The following GMDS variants were observed in gnomAD, a reference collection of about 807,000 sequenced individuals.
The protein encoded by GMDS is GDP-mannose 4,6 dehydratase.
Under a neutral mutation model 49.9 loss-of-function variants are expected in GMDS, and 20 were observed. The observed-to-expected ratio is 0.40, with a 90% confidence interval of 0.28 to 0.58. GMDS has a LOEUF of 0.58. GMDS is among the 20% of genes least tolerant of loss of function. The pLI, the probability that GMDS is intolerant of heterozygous loss-of-function variation, is 0.42. For missense variants in GMDS, 362 were observed against 481.4 expected, an observed-to-expected ratio of 0.75 and a Z score of 2.32; for synonymous variants, 177 against 178.6, an observed-to-expected ratio of 0.99 and a Z score of 0.07.
rs548688102 is a variant in GMDS, at chr6:1,724,512, T to C, written c.987+1904A>G. On this transcript the variant is annotated intron_variant, in intron 9 of 10. Coordinates refer to ENST00000380815, the MANE Select transcript of GMDS (RefSeq NM_001500.4). Reference sequence around the variant, plus strand: ...AAGCCATTCTTAATGACTTCCTAGCTTTTGAAACTATTTTGGTGTCAGAGA... The same window carrying C: ...AAGCCATTCTTAATGACTTCCTAGCCTTTGAAACTATTTTGGTGTCAGAGA... Among the ~76,000 whole-genome samples, 36 of 152,180 alleles carry C rather than the reference T, an allele frequency of 2.4e-4. 1 individual carries two copies. The highest frequency in any genetic ancestry group is 1.2e-3 in the Admixed American group (18 of 15,276).
At chr6:1,796,064 C>T (rs1427144162) in intron 7 of GMDS, among the ~76,000 whole-genome samples, 2 of 152,090 alleles carry the variant, frequency 1.3e-5, no homozygotes, top group African/African-American at 4.8e-5. Context: ...GTTCTTCTCC[C>T]CATGTAAGCA....
At chr6:1,982,026 C>T (rs183534811) in intron 4 of GMDS, among the ~76,000 whole-genome samples, 1 of 152,160 alleles carries the variant, frequency 6.6e-6, no homozygotes, top group East Asian at 1.9e-4. Context: ...ATACTTTGGC[C>T]AGGTGCGGTG....
intron 9 of GMDS, among the ~76,000 whole-genome samples, chr6:1,702,377 C>A (rs1216047549): frequency 6.6e-6 from 1 of 152,224 alleles, no homozygotes; most frequent in Non-Finnish European, 1.5e-5. Context: ...GTTCTCTCAC[C>A]CAGAGTCTTG....
chr6:2,208,158 C>G (rs1415028142), intron 1 of GMDS, among the ~76,000 whole-genome samples: 1 of 152,156 alleles, frequency 6.6e-6, no homozygotes, highest in Non-Finnish European at 1.5e-5. Flanking sequence ...TCAAGAACTG[C>G]TGATTACGGG....
intron 7 of GMDS, among the ~76,000 whole-genome samples, chr6:1,761,963 G>A (rs1399174012): frequency 1.3e-5 from 2 of 152,092 alleles, no homozygotes; most frequent in African/African-American, 4.8e-5. Flanking sequence ...TTGCAAGGAG[G>A]AATACAAAAA....
chr6:2,037,574 AC>A (rs1319051378), intron 4 of GMDS, among the ~76,000 whole-genome samples: 1 of 152,232 alleles, frequency 6.6e-6, no homozygotes, highest in East Asian at 1.9e-4. Flanking sequence ...TGTGCCCAGA[AC>A]AAGAAACCAA....
At chr6:2,024,140 A>G (rs1459070535) in intron 4 of GMDS, among the ~76,000 whole-genome samples, 1 of 152,216 alleles carries the variant, frequency 6.6e-6, no homozygotes, top group Admixed American at 6.5e-5. Context: ...ATAGTAAGAG[A>G]TAATAGGATA....
At chr6:2,060,690 G>A (rs1234899015) in intron 4 of GMDS, among the ~76,000 whole-genome samples, 1 of 152,222 alleles carries the variant, frequency 6.6e-6, no homozygotes, top group Non-Finnish European at 1.5e-5. Context: ...TGAGCAGACT[G>A]CATGTCAAAC....
At chr6:2,116,041 T>C (rs1774829375) in intron 3 of GMDS, among the ~76,000 whole-genome samples, 161 bp from the exon 4 acceptor site, 1 of 152,230 alleles carries the variant, frequency 6.6e-6, no homozygotes, top group African/African-American at 2.4e-5. Context: ...AACTGTCACC[T>C]TTACCTAAAT....
chr6:1,714,239 C>T (rs6899542), intron 9 of GMDS, among the ~76,000 whole-genome samples: 2,421 of 152,174 alleles, frequency 0.016, 62 homozygotes, highest in African/African-American at 0.056. Context: ...AGGATGGTCT[C>T]GATCTCCTGA....
At chr6:2,156,696 C>T (rs1777130882) in intron 1 of GMDS, among the ~76,000 whole-genome samples, 1 of 151,706 alleles carries the variant, frequency 6.6e-6, no homozygotes, top group South Asian at 2.1e-4. Flanking sequence ...GATTATGATT[C>T]AAAACATCAC....
rs76744172 is a variant in GMDS at position 1,678,193 on chromosome 6, A to G, written c.987+48223T>C. 7.6e-3 allele frequency among the ~76,000 whole-genome samples: 1,163 copies of G among 152,254 alleles called. 29 individuals carry two copies. The highest frequency in any genetic ancestry group is 4.0e-3 in the Non-Finnish European group (271 of 68,014). ...TAGGTTCTCAAGGCGAAGATCAGGA[A>G]AAAATCCCCTGTGCTTCTGGCAGGA... On this transcript the variant is annotated intron_variant, in intron 9 of 10. Transcript: ENST00000380815.
At chr6:1,694,273 C>T (rs1039168502) in intron 9 of GMDS, among the ~76,000 whole-genome samples, 1 of 151,992 alleles carries the variant, frequency 6.6e-6, no homozygotes, top group Non-Finnish European at 1.5e-5. Context: ...TTTTAGATGC[C>T]GTTAATTTTA....
chr6:2,192,104 C>T (rs1374636845), intron 1 of GMDS, among the ~76,000 whole-genome samples: 1 of 152,166 alleles, frequency 6.6e-6, no homozygotes, highest in Non-Finnish European at 1.5e-5. Flanking sequence ...GACAATGGGA[C>T]AAGCTGCCTA....
intron 4 of GMDS, among the ~76,000 whole-genome samples, chr6:2,092,502 A>G (rs1271721261): frequency 6.6e-6 from 1 of 152,200 alleles, no homozygotes; most frequent in Admixed American, 6.5e-5. Context: ...GACTATTGTA[A>G]TTATATTCTT....
rs148686384 is a variant in GMDS, at chr6:1,661,866, G to T, written c.988-37326C>A. ...GACAGTCGGATGTCATTGTTAAGGG[G>T]CGGGTGGGTGCCTGAGGGGGCAGAA... On this transcript the variant is annotated intron_variant, in intron 9 of 10. Coordinates refer to ENST00000380815, the MANE Select transcript of GMDS (RefSeq NM_001500.4). Among the ~76,000 whole-genome samples the T allele has an allele frequency of 2.6e-4, 40 of 152,312 alleles. No homozygotes were observed. In the East Asian group the frequency reaches 5.4e-3, roughly 21 times the overall value.
chr6:1,691,559 C>G (rs1445365618), intron 9 of GMDS, among the ~76,000 whole-genome samples: 8 of 152,250 alleles, frequency 5.3e-5, no homozygotes, highest in Middle Eastern at 6.8e-3. Context: ...CTACTATTAC[C>G]TATACCAGTC....
chr6:2,164,109 C>T (rs1777543990), intron 1 of GMDS, among the ~76,000 whole-genome samples: 1 of 152,216 alleles, frequency 6.6e-6, no homozygotes, highest in Non-Finnish European at 1.5e-5. Context: ...GTTCAGCCAA[C>T]CCAACGTACT....
chr6:2,124,452 T>A (rs545283672), intron 2 of GMDS, among the ~76,000 whole-genome samples: 2 of 152,216 alleles, frequency 1.3e-5, no homozygotes, highest in Non-Finnish European at 2.9e-5. Flanking sequence ...GTGGGAAGTG[T>A]GCACCACAGC....
Sources: allele counts gnomAD v4.1 joint callset (sites outside exome capture counted in the v4.1 genomes callset), GRCh38; gene constraint gnomAD v4.1.1; transcripts MANE v1.5; gene names NCBI Gene and HGNC (gene_info 2026-07-23, HGNC 2026-07-21).